ELAPOR2: variants seen among roughly 807,000 people sequenced by gnomAD.
The protein encoded by ELAPOR2 is endosome/lysosome-associated apoptosis and autophagy regulator family member 2.
In ELAPOR2, 89 loss-of-function variants were observed where a neutral mutation model predicts 120.7. The ratio of observed to expected loss-of-function variants is 0.74; its 90% CI spans 0.62 to 0.88. The LOEUF is 0.88. ELAPOR2 is among the 40% of genes least tolerant of loss of function. The probability of loss-of-function intolerance (pLI) is 0.00; values close to 1 mark genes in which losing one functional copy is unlikely to be tolerated. For missense variants in ELAPOR2, 1,134 were observed against 1,251.6 expected, an observed-to-expected ratio of 0.91 and a Z score of 1.42; for synonymous variants, 444 against 444.9, an observed-to-expected ratio of 1.00 and a Z score of 0.03.
At chr7:86,921,179 T>C (rs1307336007) in intron 10 of ELAPOR2, among the ~76,000 whole-genome samples, 1 of 152,090 alleles carries the variant, frequency 6.6e-6, no homozygotes, top group African/African-American at 2.4e-5. Context: ...GCATTGACTA[T>C]GTCCCTAAGA....
intron 1 of ELAPOR2, among the ~76,000 whole-genome samples, chr7:86,988,962 C>T (rs1792849599): frequency 6.6e-6 from 1 of 152,162 alleles, no homozygotes; most frequent in South Asian, 2.1e-4. Context: ...AGTAAATTTA[C>T]TTTTCTTTCA....
At chr7:86,959,619 C>A (rs1791625882) in intron 2 of ELAPOR2, among the ~76,000 whole-genome samples, 1 of 152,118 alleles carries the variant, frequency 6.6e-6, no homozygotes, top group African/African-American at 2.4e-5. Flanking sequence ...TGTGGTATAT[C>A]ACATTGATTG....
At chr7:86,939,405 T>C (rs921196234) in intron 6 of ELAPOR2, among the ~76,000 whole-genome samples, 1 of 152,082 alleles carries the variant, frequency 6.6e-6, no homozygotes, top group African/African-American at 2.4e-5. Flanking sequence ...GATGTCCTAG[T>C]GACTAATGAG....
chr7:86,879,352 T>A lies in ELAPOR2; in HGVS notation c.*1119A>T, dbSNP rs1799291923. Reference sequence around the variant, plus strand: ...TTGAATAAGAACAATAATTCTTTCATAACTGCTTATGAAATAACCACATTC... The same window carrying A: ...TTGAATAAGAACAATAATTCTTTCAAAACTGCTTATGAAATAACCACATTC... On this transcript the variant is annotated 3_prime_UTR_variant, in exon 22 of 22. Coordinates refer to ENST00000450689, the MANE Select transcript of ELAPOR2 (RefSeq NM_001142749.3). The A allele has an allele frequency of 1.3e-5, 2 of 152,214 alleles. No homozygotes were observed. The highest frequency in any genetic ancestry group is 6.5e-5 in the Admixed American group (1 of 15,280). 9.4% of individuals were successfully genotyped at this position (152,214 alleles called of 1,614,324 possible). A position where few individuals can be genotyped will look rare whatever the true frequency, so the allele number is the denominator to read the frequency against.
At chr7:87,002,551 A>C (rs1329451229) in intron 1 of ELAPOR2, among the ~76,000 whole-genome samples, 1 of 152,084 alleles carries the variant, frequency 6.6e-6, no homozygotes, top group Non-Finnish European at 1.5e-5. Context: ...CATTTCCTCC[A>C]TGAAGGCACA....
At chr7:87,035,904 A>G (rs1458131754) in intron 1 of ELAPOR2, among the ~76,000 whole-genome samples, 1 of 152,170 alleles carries the variant, frequency 6.6e-6, no homozygotes, top group Non-Finnish European at 1.5e-5. Context: ...CTGTTTTCCA[A>G]CTCATTAGGA....
intron 8 of ELAPOR2, among the ~76,000 whole-genome samples, chr7:86,930,455 A>T (rs1467929947): frequency 1.3e-5 from 2 of 151,990 alleles, no homozygotes; most frequent in African/African-American, 2.4e-5. Context: ...GAATCCCTTT[A>T]TACCCTATTT....
In ELAPOR2 at chr7:87,045,681, C is replaced by T. The variant is rs549633099; in HGVS notation, c.189+13644G>A. ...CTAGATGACGAGTTAGTGGGTGCAG[C>T]GCACCAGCATGGCACATGTATACAT... On this transcript the variant is annotated intron_variant, in intron 1 of 21. Transcript: ENST00000450689. 9.2e-3 allele frequency among the ~76,000 whole-genome samples: 1,390 copies of T among 151,564 alleles called. 26 individuals carry two copies. The highest frequency in any genetic ancestry group is 0.032 in the African/African-American group (1,335 of 41,244).
chr7:86,934,486 A>T (rs769681081), intron 8 of ELAPOR2, among the ~76,000 whole-genome samples: 2 of 151,908 alleles, frequency 1.3e-5, no homozygotes, highest in Non-Finnish European at 2.9e-5. Flanking sequence ...TTCAGCCCTC[A>T]TCTAGGGTGA....
intron 1 of ELAPOR2, among the ~76,000 whole-genome samples, chr7:87,033,803 G>A (rs1211199105): frequency 6.6e-6 from 1 of 151,746 alleles, no homozygotes; most frequent in Non-Finnish European, 1.5e-5. Context: ...GTAGAAAATA[G>A]CTCAAAAGAA....
chr7:86,958,959 G>C (rs994529874), intron 2 of ELAPOR2, among the ~76,000 whole-genome samples: 1 of 152,072 alleles, frequency 6.6e-6, no homozygotes, highest in African/African-American at 2.4e-5. Context: ...TCCAATCTAC[G>C]AGCATGGGAT....
intron 4 of ELAPOR2, among the ~76,000 whole-genome samples, chr7:86,944,509 T>A (rs947619622): frequency 3.9e-5 from 6 of 152,054 alleles, no homozygotes; most frequent in African/African-American, 1.4e-4. Flanking sequence ...AAAAAACTTT[T>A]AAGTGAAAAC....
At chr7:86,963,552 T>C (rs1791795575) in intron 2 of ELAPOR2, among the ~76,000 whole-genome samples, 1 of 151,940 alleles carries the variant, frequency 6.6e-6, no homozygotes, top group African/African-American at 2.4e-5. Flanking sequence ...AGATATGAAG[T>C]TGGCATTCAA....
chr7:86,986,416 G>A (rs1413838826), intron 1 of ELAPOR2, among the ~76,000 whole-genome samples: 3 of 109,946 alleles, frequency 2.7e-5, no homozygotes, highest in Non-Finnish European at 5.4e-5. Context: ...GCGACAGAGC[G>A]AGACTCCGTC....
chr7:86,997,661 T>G (rs758864652), intron 1 of ELAPOR2, among the ~76,000 whole-genome samples: 9 of 152,164 alleles, frequency 5.9e-5, no homozygotes, highest in Non-Finnish European at 7.4e-5. Context: ...TCTCCAAAAC[T>G]GATTACACCC....
At chr7:86,900,387 C>T (rs905376169) in intron 18 of ELAPOR2, among the ~76,000 whole-genome samples, 18 of 152,140 alleles carry the variant, frequency 1.2e-4, no homozygotes, top group Admixed American at 2.6e-4. Flanking sequence ...CAAAATCAAA[C>T]GTCTGCTATA....
intron 21 of ELAPOR2, among the ~76,000 whole-genome samples, chr7:86,881,793 A>T (rs1799420109): frequency 6.6e-6 from 1 of 152,238 alleles, no homozygotes; most frequent in African/African-American, 2.4e-5. Flanking sequence ...AAGAGAATAA[A>T]AATGAAGAGA....
At chr7:86,884,120 T>C (rs1799574929) in intron 21 of ELAPOR2, among the ~76,000 whole-genome samples, 1 of 152,232 alleles carries the variant, frequency 6.6e-6, no homozygotes, top group Non-Finnish European at 1.5e-5. Context: ...TTTCAAAATT[T>C]CATTTTTAAA....
At chr7:87,042,111 C>G (rs1794807555) in intron 1 of ELAPOR2, among the ~76,000 whole-genome samples, 1 of 149,610 alleles carries the variant, frequency 6.7e-6, no homozygotes, top group African/African-American at 2.5e-5. Flanking sequence ...ATTCATAAAG[C>G]AAGTCCTGAG....
Sources: gnomAD v4.1 joint callset for allele counts (sites outside exome capture counted in the v4.1 genomes callset) on GRCh38, gnomAD v4.1.1 for gene constraint, MANE v1.5 for transcripts, NCBI Gene and HGNC (gene_info 2026-07-23, HGNC 2026-07-21) for gene names.